Variants in EPG5 observed in about 807,000 individuals in gnomAD.
The protein encoded by EPG5 is ectopic P-granules 5 autophagy tethering factor.
Under a neutral mutation model 302.7 loss-of-function variants are expected in EPG5, and 159 were observed. The ratio of observed to expected loss-of-function variants is 0.53; its 90% CI spans 0.46 to 0.60. EPG5 has a LOEUF of 0.60. EPG5 is among the 20% of genes least tolerant of loss of function. EPG5 has a pLI of 0.00. For synonymous variants in EPG5, 1,158 were observed against 1,136.8 expected (o/e 1.02, Z -0.37); for missense variants, 2,896 against 3,092.4 (o/e 0.94, Z 1.51).
intron 1 of EPG5, among the ~76,000 whole-genome samples, chr18:45,956,724 G>A (rs554731741): frequency 3.3e-5 from 5 of 152,078 alleles, no homozygotes; most frequent in Admixed American, 1.3e-4. Context: ...GTGAGCCACC[G>A]CGCCTGGCCA....
intron 36 of EPG5, among the ~76,000 whole-genome samples, chr18:45,868,898 A>G (rs563701613): frequency 6.6e-6 from 1 of 151,646 alleles, no homozygotes; most frequent in East Asian, 2.0e-4. Flanking sequence ...TACTAAAAAT[A>G]TAAAAAATTA....
intron 16 of EPG5, among the ~76,000 whole-genome samples, chr18:45,919,383 GTA>G (rs1466003944): frequency 6.6e-6 from 1 of 152,174 alleles, no homozygotes; most frequent in African/African-American, 2.4e-5. Context: ...GCCCACAGCA[GTA>G]TCAGTGAATA....
intron 11 of EPG5, among the ~76,000 whole-genome samples, chr18:45,934,118 G>A (rs2145840535): frequency 6.6e-6 from 1 of 152,036 alleles, no homozygotes; most frequent in Non-Finnish European, 1.5e-5. Flanking sequence ...ATGAAACCAT[G>A]TCTCTACTAA....
intron 2 of EPG5, chr18:45,953,492 A>T: frequency 3.0e-6 from 3 of 985,322 alleles, no homozygotes; most frequent in Non-Finnish European, 3.6e-6. Flanking sequence ...GGATAGGGGA[A>T]TGACATGTTT....
Position 45,889,869 on chromosome 18 carries a change from C to T in EPG5, c.4881G>A (p.Leu1627=), listed in dbSNP as rs779806136. 3.1e-6 allele frequency: 5 copies of T among 1,611,912 alleles called. No homozygotes were observed. The South Asian group carries it at 5.5e-5, about 18-fold the overall frequency. The stretch of plus-strand genomic sequence containing the variant: ...ATGGTGGTTTAGCAGCTTCTGCTTG[C>T]AACTGCTTCACTTCCTTCCGTAAAA... ...LHVLRKEVKQ[L]QAEAAKPPSL... is the part of the protein sequence containing the mutation. The change falls in exon 28 of 44, where the codon TTG becomes TTA. Residue 1627 remains leucine, a synonymous_variant. Coordinates refer to ENST00000282041, the MANE Select transcript of EPG5 (RefSeq NM_020964.3).
chr18:45,865,024 C>T (rs2048716642), intron 39 of EPG5, among the ~76,000 whole-genome samples: 1 of 152,144 alleles, frequency 6.6e-6, no homozygotes, highest in African/African-American at 2.4e-5. Flanking sequence ...TTTACCACCT[C>T]CCCCTAATAT....
the EPG5 span, chr18:45,837,734 G>C: frequency 6.6e-7 from 1 of 1,507,000 alleles, no homozygotes; most frequent in Non-Finnish European, 8.8e-7. Context: ...GAGCCTGCAC[G>C]GCCGCTTCCG....
chr18:45,864,526 T>C (rs2048703822), intron 39 of EPG5, among the ~76,000 whole-genome samples: 1 of 152,228 alleles, frequency 6.6e-6, no homozygotes, highest in African/African-American at 2.4e-5. Context: ...TATTCCACTA[T>C]CTTCAATCTT....
Position 45,852,979 on chromosome 18 carries a change from C to G in EPG5, c.7558-330G>C, listed in dbSNP as rs1042262981. ...TTGCTGGGCGCCTCACCTGCCACACCGATTTCTAAAGCCTGCCTTGTCCTC... is the reference window on the plus strand; with the variant it reads ...TTGCTGGGCGCCTCACCTGCCACACGGATTTCTAAAGCCTGCCTTGTCCTC... On this transcript the variant is annotated intron_variant, in intron 43 of 43. Coordinates refer to ENST00000282041, the MANE Select transcript of EPG5 (RefSeq NM_020964.3). Among the ~76,000 whole-genome samples the G allele has an allele frequency of 3.3e-5, 5 of 152,288 alleles. No individual in the cohort carries two copies. In the East Asian group the frequency reaches 5.8e-4, roughly 18 times the overall value.
In EPG5 at chr18:45,916,865, C is replaced by G. The variant is rs9966480; in HGVS notation, c.3240-283G>C. Reference sequence around the variant, plus strand: ...CACCCAAAGGCACCACTCTCCCCTCCTCACTCCCCAACTCCATGAATAAAG... The same window carrying G: ...CACCCAAAGGCACCACTCTCCCCTCGTCACTCCCCAACTCCATGAATAAAG... On this transcript the variant is annotated intron_variant, in intron 17 of 43. Transcript: ENST00000282041. 1.5e-3 allele frequency: 326 copies of G among 221,280 alleles called. 1 individual carries two copies. The highest frequency in any genetic ancestry group is 1.8e-3 in the Non-Finnish European group (202 of 109,740). 13.7% of individuals were successfully genotyped at this position (221,280 alleles called of 1,614,324 possible).
intron 39 of EPG5, among the ~76,000 whole-genome samples, chr18:45,862,367 A>G (rs2048653460): frequency 1.3e-5 from 2 of 151,984 alleles, no homozygotes; most frequent in Admixed American, 6.6e-5. Context: ...TTTAATTTTC[A>G]CCTTTTAAAA....
At chr18:45,886,692 CTT>C (rs2049225343) in intron 29 of EPG5, among the ~76,000 whole-genome samples, 1 of 151,920 alleles carries the variant, frequency 6.6e-6, no homozygotes, top group South Asian at 2.1e-4. Flanking sequence ...GAGTTTTGCT[CTT>C]GTTGCCCAGG....
chr18:45,963,421 G>A (rs749663329), intron 1 of EPG5, among the ~76,000 whole-genome samples: 8 of 152,160 alleles, frequency 5.3e-5, no homozygotes, highest in Non-Finnish European at 1.2e-4. Flanking sequence ...TGGATCATCC[G>A]AGGCCAGGAG....
At chr18:45,950,235 AACAT>A (rs1377867658) in intron 4 of EPG5, among the ~76,000 whole-genome samples, 1 of 152,202 alleles carries the variant, frequency 6.6e-6, no homozygotes, top group Non-Finnish European at 1.5e-5. Flanking sequence ...TATTTGCATA[AACAT>A]AATAAGATAT....
chr18:45,907,177 T>G (rs1665828386), intron 24 of EPG5: 1 of 152,152 alleles, frequency 6.6e-6, no homozygotes, highest in Admixed American at 6.5e-5. Context: ...AGATAAAATA[T>G]ACACATGATG....
chr18:45,812,256 C>T, the EPG5 span, among the ~76,000 whole-genome samples: 4 of 152,002 alleles, frequency 2.6e-5, no homozygotes, highest in African/African-American at 9.7e-5. Flanking sequence ...CACTGCTCAA[C>T]AAAACAAAAG....
At chr18:45,938,675 T>G (rs1442372601) in intron 10 of EPG5, among the ~76,000 whole-genome samples, 3 of 152,150 alleles carry the variant, frequency 2.0e-5, no homozygotes, top group Non-Finnish European at 4.4e-5. Context: ...TATTTCCTCA[T>G]ATTACCACAA....
At chr18:45,827,741 G>A in the EPG5 span, among the ~76,000 whole-genome samples, 1 of 152,212 alleles carries the variant, frequency 6.6e-6, no homozygotes, top group African/African-American at 2.4e-5. Flanking sequence ...ATGAAACCTT[G>A]CCAAAGTCAC....
At chr18:45,942,206 C>CA (rs2050681823) in intron 9 of EPG5, among the ~76,000 whole-genome samples, 1 of 151,786 alleles carries the variant, frequency 6.6e-6, no homozygotes, top group Admixed American at 6.6e-5. Flanking sequence ...GCCCGGGTGA[C>CA]AGAGTGAGAC....
Sources: allele counts gnomAD v4.1 joint callset (sites outside exome capture counted in the v4.1 genomes callset), GRCh38; gene constraint gnomAD v4.1.1; transcripts MANE v1.5; gene names NCBI Gene and HGNC (gene_info 2026-07-23, HGNC 2026-07-21).